Variants in CEP170B observed in about 807,000 individuals in gnomAD.
The protein encoded by CEP170B is centrosomal protein 170B.
CEP170B carries 55 observed loss-of-function variants against 120.6 expected under a neutral mutation model. The observed-to-expected ratio is 0.46, with a 90% confidence interval of 0.37 to 0.57. The LOEUF (loss-of-function observed/expected upper bound fraction) is 0.57, where lower values mean the gene tolerates loss of function less well. CEP170B is among the 20% of genes least tolerant of loss of function. The pLI is 0.00. For synonymous variants in CEP170B, 1,033 were observed against 954.5 expected, an observed-to-expected ratio of 1.08 and a Z score of -1.52; for missense variants, 2,212 against 2,253.3, an observed-to-expected ratio of 0.98 and a Z score of 0.37.
chr14:104,890,433 AGTGGGTGGATGGGTGAGTGG>A (rs1896768009), intron 13 of CEP170B, among the ~76,000 whole-genome samples: 1 of 54,668 alleles, frequency 1.8e-5, no homozygotes, highest in African/African-American at 8.3e-5. Flanking sequence ...TGGATGAGTG[AGTGGGTGGATGGGTGAGTGG>A]GTGGGTGGAT....
Position 104,887,528 on chromosome 14 carries a change from C to T in CEP170B, c.3289C>T (p.Arg1097Cys), listed in dbSNP as rs772371384. Residue 1097 changes from arginine (R) to cysteine (C), a missense_variant, in exon 12 of 19, where the codon CGT (arginine) becomes TGT (cysteine). By Grantham distance (180) the Arg-to-Cys change is radical. This residue lies in a region of CEP170B where 2,166 missense variants were observed against 2,166.7 expected (regional missense o/e 1.00). Coordinates refer to ENST00000414716, the MANE Select transcript of CEP170B (RefSeq NM_001112726.3). Reference protein sequence around the residue: ...PSPAAREEQSRSSASSQKGPQ... With the variant: ...PSPAAREEQSCSSASSQKGPQ... ...CCCAGCTGCCCGGGAGGAGCAGAGCCGTAGCTCAGCCAGCTCCCAGAAGGG... is the reference window on the plus strand; with the variant it reads ...CCCAGCTGCCCGGGAGGAGCAGAGCTGTAGCTCAGCCAGCTCCCAGAAGGG... 31 of 1,611,016 alleles carry T rather than the reference C, an allele frequency of 1.9e-5. No homozygotes were observed. The highest frequency in any genetic ancestry group is 3.3e-4 in the Middle Eastern group (2 of 6,016).
rs752496892 is a variant in CEP170B, at chr14:104,884,317, C to T, written c.1538C>T (p.Pro513Leu). The change falls in exon 9 of 19, where the codon CCG (proline) becomes CTG (leucine). Residue 513 changes from proline (P) to leucine (L), a missense_variant. Around this residue, in one of 2 missense-constraint regions of CEP170B, gnomAD observed 2,166 missense variants for 2,166.7 expected, o/e 1.00. Transcript: ENST00000414716. The part of the protein sequence containing the change: ...FMAQCLRESS[P>L]AARPSPEKVP... The stretch of plus-strand genomic sequence containing the variant: ...GCCCAGTGTCTGCGGGAGAGCTCCC[C>T]GGCCGCCCGGCCCAGCCCCGAGAAG... 7.3e-5 allele frequency: 112 copies of T among 1,542,908 alleles called. No homozygotes were observed. The highest frequency in any genetic ancestry group is 2.7e-4 in the African/African-American group (20 of 72,858).
In CEP170B at chr14:104,895,360, G is replaced by C; in HGVS notation, c.*402G>C. The C allele has an allele frequency of 5.7e-6, 1 of 176,540 alleles. No homozygotes were observed. Among genetic ancestry groups the C allele is most frequent in the Non-Finnish European group, 1.2e-5 (1 of 84,760 alleles). The allele number at this position is 176,540 out of a possible 1,614,324, so 10.9% of individuals were successfully genotyped here. On this transcript the variant is annotated 3_prime_UTR_variant, in exon 19 of 19. Transcript: ENST00000414716. ...GACTGGCTCCGCCAGGCACTAACCT[G>C]CCATAACCCTTTGTGCTGGCCTGCG...
rs1446778275 is a variant in CEP170B, at chr14:104,882,674, T to C, written c.473-54T>C. 2.1e-6 allele frequency: 3 copies of C among 1,463,298 alleles called. No individual in the cohort carries two copies. The African/African-American group carries it at 4.2e-5, about 20-fold the overall frequency. 90.6% of individuals were successfully genotyped at this position (1,463,298 alleles called of 1,614,324 possible). On this transcript the variant is annotated intron_variant, in intron 6 of 18. Coordinates refer to ENST00000414716, the MANE Select transcript of CEP170B (RefSeq NM_001112726.3). ...TCTCCTGGGCTGCCAGTTCTCTGCT[T>C]TTCACACTGGGGGCCCCAGCAACAC...
chr14:104,886,687 AG>A lies in CEP170B; in HGVS notation c.2452del (p.Asp818MetfsTer5). 6.4e-7 allele frequency: 1 copy of A among 1,553,524 alleles called. No individual in the cohort carries two copies. The highest frequency in any genetic ancestry group is 8.7e-7 in the Non-Finnish European group (1 of 1,151,764). On this transcript the variant is annotated frameshift_variant, in exon 12 of 19. Coordinates refer to ENST00000414716, the MANE Select transcript of CEP170B (RefSeq NM_001112726.3). LOFTEE classifies it high-confidence loss of function. ...VLSRKPLAAP[G>X]DGEGLGQTAQ... Reference sequence around the variant, plus strand: ...TATCTAGGAAACCGCTTGCGGCTCCAGGGGATGGGGAGGGCCTAGGGCAGAC... The same window carrying A: ...TATCTAGGAAACCGCTTGCGGCTCCAGGGATGGGGAGGGCCTAGGGCAGAC...
rs554511375 is a variant in CEP170B at position 104,889,409 on chromosome 14, A to G, written c.3740-211A>G. On this transcript the variant is annotated intron_variant, in intron 12 of 18. Transcript: ENST00000414716. ...GGGGGCACCAGCCTCGACGCTGCCC[A>G]GCCCTGCAGCACTGAGCCCTCTCCC... 1.2e-4 allele frequency: 151 copies of G among 1,290,640 alleles called. No individual in the cohort carries two copies. The African/African-American group carries it at 2.1e-3, about 18-fold the overall frequency. 79.9% of individuals were successfully genotyped at this position (1,290,640 alleles called of 1,614,324 possible).
intron 2 of CEP170B, among the ~76,000 whole-genome samples, chr14:104,869,162 C>T (rs915112489): frequency 6.6e-6 from 1 of 152,202 alleles, no homozygotes; most frequent in Non-Finnish European, 1.5e-5. Context: ...TGCGATCTGG[C>T]TGTTTGAGAA....
chr14:104,865,346 G>T lies in CEP170B; in HGVS notation c.-195G>T, dbSNP rs1408526126. The T allele has an allele frequency of 6.8e-6, 1 of 146,336 alleles. No individual in the cohort carries two copies. Among genetic ancestry groups the T allele is most frequent in the African/African-American group, 2.5e-5 (1 of 40,258 alleles). 9.1% of individuals were successfully genotyped at this position (146,336 alleles called of 1,614,324 possible). A position where few individuals can be genotyped will look rare whatever the true frequency, so the allele number is the denominator to read the frequency against. ...GGCCCGGGCTGCCACGAGCGTGCGG[G>T]CCTCGCCGGGCATGTCCTAGGCGGC... On this transcript the variant is annotated 5_prime_UTR_variant, in exon 1 of 19. Coordinates refer to ENST00000414716, the MANE Select transcript of CEP170B (RefSeq NM_001112726.3). The surrounding 1 kb of genome is among the most constrained non-coding windows in gnomAD (Gnocchi z 6.7).
Position 104,886,708 on chromosome 14 carries a change from G to A in CEP170B, c.2469G>A (p.Gly823=). ...LAAPGDGEGL[G]QTAQPSPPAR... The stretch of plus-strand genomic sequence containing the variant: ...CTCCAGGGGATGGGGAGGGCCTAGG[G>A]CAGACAGCCCAGCCCAGCCCCCCAG... The change falls in exon 12 of 19, where the codon GGG becomes GGA. Residue 823 remains glycine (G), a synonymous_variant. Coordinates refer to ENST00000414716, the MANE Select transcript of CEP170B (RefSeq NM_001112726.3). 6.3e-7 allele frequency: 1 copy of A among 1,592,364 alleles called. No individual in the cohort carries two copies. The highest frequency in any genetic ancestry group is 8.6e-7 in the Non-Finnish European group (1 of 1,168,646).
chr14:104,865,118 C>T (rs979414000), upstream of CEP170B, among the ~76,000 whole-genome samples: 11 of 150,580 alleles, frequency 7.3e-5, no homozygotes, highest in Admixed American at 7.3e-4. The surrounding 1 kb of genome is among the most constrained non-coding windows in gnomAD (Gnocchi z 6.7). Flanking sequence ...ACGCGCGGGG[C>T]TACCGGGGCG....
In CEP170B at chr14:104,889,766, G is replaced by T; in HGVS notation, c.3878+8G>T. 1.9e-5 allele frequency: 30 copies of T among 1,598,192 alleles called. No homozygotes were observed. The highest frequency in any genetic ancestry group is 2.6e-5 in the Non-Finnish European group (30 of 1,168,904). On this transcript the variant is annotated splice_region_variant and intron_variant, in intron 13 of 18. Coordinates refer to ENST00000414716, the MANE Select transcript of CEP170B (RefSeq NM_001112726.3). The stretch of plus-strand genomic sequence containing the variant: ...GATTGCGGAGATTGCCAGGTGAGTA[G>T]CCCATTCAGAGTAAATCCACTGGGT...
chr14:104,887,058 G>A lies in CEP170B; in HGVS notation c.2819G>A (p.Gly940Asp), dbSNP rs1474177154. Residue 940 changes from glycine (G) to aspartate (D), a missense_variant, in exon 12 of 19, where the codon GGC (glycine) becomes GAC (aspartate). Gly to Asp is a moderately conservative substitution (Grantham distance 94). Coordinates refer to ENST00000414716, the MANE Select transcript of CEP170B (RefSeq NM_001112726.3). ...TCTGTGGATGCCGAGTGTGAGGGGG[G>A]CAGCACCCCGAGGCCGCCGGAGGAC... is the stretch of plus-strand genomic sequence containing the variant. ...SNSVDAECEG[G>D]STPRPPEDAL... 6.2e-6 allele frequency: 10 copies of A among 1,611,348 alleles called. No individual in the cohort carries two copies. Among genetic ancestry groups the A allele is most frequent in the African/African-American group, 1.3e-5 (1 of 74,952 alleles).
chr14:104,875,044 G>A (rs1035364981), intron 2 of CEP170B, among the ~76,000 whole-genome samples: 3 of 152,266 alleles, frequency 2.0e-5, no homozygotes, highest in African/African-American at 4.8e-5. Context: ...GGGGTGCTGG[G>A]GAAGGCCCCA....
chr14:104,892,494 T>G (rs1595360938), intron 13 of CEP170B, among the ~76,000 whole-genome samples: 1 of 81,942 alleles, frequency 1.2e-5, no homozygotes, highest in Non-Finnish European at 2.5e-5. Flanking sequence ...GCCCCCACCC[T>G]CAGTGTGAGG....
intron 13 of CEP170B, among the ~76,000 whole-genome samples, chr14:104,890,169 G>A (rs1896739655): frequency 9.6e-6 from 1 of 104,088 alleles, no homozygotes; most frequent in African/African-American, 4.3e-5. Flanking sequence ...TGCATGGATG[G>A]ATGGATGGAT....
intron 2 of CEP170B, among the ~76,000 whole-genome samples, chr14:104,874,429 AC>A (rs145940463): frequency 1.3e-5 from 2 of 152,252 alleles, no homozygotes; most frequent in Non-Finnish European, 2.9e-5. Context: ...GGGAGCTGGC[AC>A]CAGGAGCCCC....
At position 104,877,871 on chromosome 14, in the gene CEP170B, C is replaced by A; in HGVS notation, c.196-14C>A. 1.5e-6 allele frequency: 1 copy of A among 666,316 alleles called. No homozygotes were observed. The highest frequency in any genetic ancestry group is 2.4e-6 in the Non-Finnish European group (1 of 423,202). 41.3% of individuals were successfully genotyped at this position (666,316 alleles called of 1,614,324 possible). On this transcript the variant is annotated splice_polypyrimidine_tract_variant and intron_variant, in intron 3 of 18. Transcript: ENST00000414716. The stretch of plus-strand genomic sequence containing the variant: ...GCAGCTCCCCCCCCCCCCCCGCCAC[C>A]TGTTTTCCTGCAGACGTTTGTGAAT...
In CEP170B at chr14:104,883,086, C is replaced by T. The variant is rs766539037; in HGVS notation, c.629C>T (p.Ala210Val). The change falls in exon 8 of 19, where the codon GCC becomes GTC. Residue 210 changes from alanine to valine, a missense_variant. Coordinates refer to ENST00000414716, the MANE Select transcript of CEP170B (RefSeq NM_001112726.3). ...QQDGELHGFR[A>V]PAEPQGCSFR... The stretch of plus-strand genomic sequence containing the variant: ...GACGGGGAGCTCCACGGCTTCCGCG[C>T]CCCTGCTGAGCCTCAGGGCTGCTCG... 3.1e-5 allele frequency: 49 copies of T among 1,571,574 alleles called. No individual in the cohort carries two copies. Among genetic ancestry groups the T allele is most frequent in the African/African-American group, 5.4e-5 (4 of 74,108 alleles).
chr14:104,889,240 T>G (rs1333373925), intron 12 of CEP170B, among the ~76,000 whole-genome samples: 1 of 152,168 alleles, frequency 6.6e-6, no homozygotes, highest in Non-Finnish European at 1.5e-5. Context: ...GTTTCCCACC[T>G]AATCAGCTGC....
Sources: allele counts gnomAD v4.1 joint callset (sites outside exome capture counted in the v4.1 genomes callset), GRCh38; gene constraint gnomAD v4.1.1; regional missense constraint gnomAD v4.1.1; non-coding constraint Gnocchi (gnomAD v3.1); transcripts MANE v1.5; gene names NCBI Gene and HGNC (gene_info 2026-07-23, HGNC 2026-07-21).